The following DCUN1D2 variants were observed in gnomAD, a reference collection of about 807,000 sequenced individuals.
DCUN1D2 encodes the protein defective in cullin neddylation 1 domain containing 2.
DCUN1D2 carries 29 observed loss-of-function variants against 30.9 expected under a neutral mutation model. The ratio of observed to expected loss-of-function variants is 0.94; its 90% confidence interval spans 0.70 to 1.28. The LOEUF is 1.28. Ranked by LOEUF, DCUN1D2 falls within the 50% of genes most tolerant of loss-of-function variation. The probability of loss-of-function intolerance (pLI) is 0.00; values close to 1 mark genes in which losing one functional copy is unlikely to be tolerated. For synonymous variants in DCUN1D2, 121 were observed against 115.3 expected, an observed-to-expected ratio of 1.05 and a Z score of -0.32; for missense variants, 325 against 316.9, an observed-to-expected ratio of 1.03 and a Z score of -0.19.
At chr13:113,474,437 C>T (rs773580534) in intron 3 of DCUN1D2, among the ~76,000 whole-genome samples, 183 bp from the exon 4 acceptor site, 2 of 152,214 alleles carry the variant, frequency 1.3e-5, no homozygotes, top group African/African-American at 2.4e-5. Flanking sequence ...GGGGGGGCAA[C>T]ATCTCCCTTG....
chr13:113,459,404 T>G lies in DCUN1D2; in HGVS notation c.608A>C (p.His203Pro), dbSNP rs1188590933. ...GTCCCTTGGAATTGATCTTTTGTGA[T>G]GTTCCTAATATATGAGAGAAAAAAA... ...LDLWNTFLME[H>P]HKRSIPRDTW... Residue 203 changes from histidine (H) to proline (P), a missense_variant, in exon 6 of 7, where the codon CAT becomes CCT. By Grantham distance (77) the His-to-Pro change is moderately conservative. Coordinates refer to ENST00000478244, the MANE Select transcript of DCUN1D2 (RefSeq NM_001014283.2). 1 of 1,531,116 alleles carries G rather than the reference T, an allele frequency of 6.5e-7. No individual in the cohort carries two copies. Among genetic ancestry groups the G allele is most frequent in the African/African-American group, 1.4e-5 (1 of 73,268 alleles). 94.8% of individuals were successfully genotyped at this position (1,531,116 alleles called of 1,614,324 possible).
chr13:113,461,085 T>C lies in DCUN1D2; in HGVS notation c.572A>G (p.Lys191Arg). ...GAATGTGTTCCAGAGATCTAAAAAT[T>C]TAAACCTTCCAGATAACACTAATTT... The part of the protein sequence containing the change: ...YWKLVLSGRF[K>R]FLDLWNTFLM... The change falls in exon 5 of 7, where the codon AAA (lysine) becomes AGA (arginine). Residue 191 changes from lysine to arginine, a missense_variant. Lys to Arg is a conservative substitution (Grantham distance 26). Transcript: ENST00000478244. 6.2e-7 allele frequency: 1 copy of C among 1,611,520 alleles called. No individual in the cohort carries two copies. Among genetic ancestry groups the C allele is most frequent in the Non-Finnish European group, 8.5e-7 (1 of 1,178,340 alleles).
At chr13:113,482,437 T>C (rs539433985) in intron 2 of DCUN1D2, among the ~76,000 whole-genome samples, 2 of 152,212 alleles carry the variant, frequency 1.3e-5, no homozygotes, top group South Asian at 2.1e-4. Flanking sequence ...ACAATTAACT[T>C]AGCCAAAAAT....
chr13:113,489,404 G>A (rs1334046843), intron 1 of DCUN1D2, among the ~76,000 whole-genome samples: 1 of 152,198 alleles, frequency 6.6e-6, no homozygotes, highest in South Asian at 2.1e-4. Context: ...GACCCCTAAA[G>A]GTCACAAAAG....
intron 4 of DCUN1D2, chr13:113,462,862 A>C: frequency 7.9e-7 from 1 of 1,265,844 alleles, no homozygotes; most frequent in Non-Finnish European, 1.0e-6. Context: ...TAATGATGTA[A>C]AGCTTTCACA....
At chr13:113,477,317 T>A (rs2055809241) in intron 3 of DCUN1D2, among the ~76,000 whole-genome samples, 1 of 152,250 alleles carries the variant, frequency 6.6e-6, no homozygotes, top group Admixed American at 6.5e-5. Flanking sequence ...GATGAATTAC[T>A]ATTTTCTCTA....
At position 113,490,355 on chromosome 13, in the gene DCUN1D2, C is replaced by A; in HGVS notation, c.3+312G>T. 1 of 273,564 alleles carries A rather than the reference C, an allele frequency of 3.7e-6. No homozygotes were observed. Among genetic ancestry groups the A allele is most frequent in the Non-Finnish European group, 6.8e-6 (1 of 146,424 alleles). 16.9% of individuals were successfully genotyped at this position (273,564 alleles called of 1,614,324 possible). ...GTTTCGAAGCCGCCCTGGGAAGCCC[C>A]CGGCCTGGGTTCCCGCTCGGCCCCG... On this transcript the variant is annotated intron_variant, in intron 1 of 6. Coordinates refer to ENST00000478244, the MANE Select transcript of DCUN1D2 (RefSeq NM_001014283.2). This position sits in a 1 kb window ranked among gnomAD's most constrained non-coding sequence, Gnocchi z 5.2.
At chr13:113,484,227 T>C (rs2044762121) in intron 1 of DCUN1D2, 171 bp from the exon 2 acceptor site, 1 of 1,392,110 alleles carries the variant, frequency 7.2e-7, no homozygotes, top group Non-Finnish European at 9.4e-7. Context: ...ATCTATACTG[T>C]AACAAACAGG....
chr13:113,467,529 C>T (rs1487878005), intron 4 of DCUN1D2, among the ~76,000 whole-genome samples: 1 of 151,612 alleles, frequency 6.6e-6, no homozygotes, highest in East Asian at 1.9e-4. Flanking sequence ...TTTTAGTCCC[C>T]AAAGTAAAAT....
rs891578740 is a variant in DCUN1D2, at chr13:113,488,312, G to A, written c.3+2355C>T. ...CTGAAGGAGCAAGAGAAGCTTTGGG[G>A]TCTAGGCTTAGTCCATTAACAGGCC... is the stretch of plus-strand genomic sequence containing the variant. On this transcript the variant is annotated intron_variant, in intron 1 of 6. Coordinates refer to ENST00000478244, the MANE Select transcript of DCUN1D2 (RefSeq NM_001014283.2). This position sits in a 1 kb window ranked among gnomAD's most constrained non-coding sequence, Gnocchi z 4.3. 1.3e-5 allele frequency among the ~76,000 whole-genome samples: 2 copies of A among 152,220 alleles called. No individual in the cohort carries two copies. The highest frequency in any genetic ancestry group is 2.9e-5 in the Non-Finnish European group (2 of 68,038).
chr13:113,470,337 A>C (rs1339980436), intron 4 of DCUN1D2, among the ~76,000 whole-genome samples: 3 of 152,220 alleles, frequency 2.0e-5, no homozygotes, highest in Admixed American at 6.5e-5. Context: ...CAAGGATGAG[A>C]CTGCCTAACA....
At chr13:113,485,340 T>A (rs552761632) in intron 1 of DCUN1D2, among the ~76,000 whole-genome samples, 1 of 152,240 alleles carries the variant, frequency 6.6e-6, no homozygotes, top group East Asian at 1.9e-4. Context: ...AACAAAAGTA[T>A]ATAGAAGGAT....
At chr13:113,467,029 C>T (rs1043456304) in intron 4 of DCUN1D2, among the ~76,000 whole-genome samples, 3 of 151,940 alleles carry the variant, frequency 2.0e-5, no homozygotes, top group East Asian at 1.9e-4. Flanking sequence ...AGGGTGGTCT[C>T]GATCTCCTGA....
chr13:113,471,431 C>T (rs1411336097), intron 4 of DCUN1D2, among the ~76,000 whole-genome samples: 6 of 152,210 alleles, frequency 3.9e-5, no homozygotes, highest in Non-Finnish European at 5.9e-5. Flanking sequence ...ATAGGAGTTT[C>T]CATAGAGACC....
At chr13:113,468,469 C>T (rs1406479820) in intron 4 of DCUN1D2, among the ~76,000 whole-genome samples, 2 of 152,160 alleles carry the variant, frequency 1.3e-5, no homozygotes, top group Non-Finnish European at 2.9e-5. Context: ...GATGTTTACA[C>T]AACACTGTGA....
chr13:113,462,813 T>C (rs2044340162), intron 4 of DCUN1D2: 35 of 1,205,812 alleles, frequency 2.9e-5, no homozygotes, highest in Non-Finnish European at 3.7e-5. Context: ...CCTTATCACT[T>C]AGGAAGAACA....
At chr13:113,484,358 G>A (rs1009460702) in intron 1 of DCUN1D2, among the ~76,000 whole-genome samples, 5 of 152,194 alleles carry the variant, frequency 3.3e-5, no homozygotes, top group African/African-American at 1.2e-4. Flanking sequence ...CAGTAACTCT[G>A]TAATGCACAT....
chr13:113,466,081 T>C (rs930928045), intron 4 of DCUN1D2, among the ~76,000 whole-genome samples: 2 of 152,118 alleles, frequency 1.3e-5, no homozygotes, highest in Non-Finnish European at 2.9e-5. Flanking sequence ...GAGATGGGGA[T>C]TTGCCATGTT....
intron 2 of DCUN1D2, among the ~76,000 whole-genome samples, chr13:113,482,540 T>C (rs2044728556): frequency 6.6e-6 from 1 of 152,210 alleles, no homozygotes. Flanking sequence ...ACTGACTATG[T>C]TTCTGAGCCA....
Sources: gnomAD v4.1 joint callset for allele counts (sites outside exome capture counted in the v4.1 genomes callset) on GRCh38, gnomAD v4.1.1 for gene constraint, Gnocchi (gnomAD v3.1) non-coding constraint, MANE v1.5 for transcripts, NCBI Gene and HGNC (gene_info 2026-07-23, HGNC 2026-07-21) for gene names.